The following EIF3H variants were observed in gnomAD, a reference collection of about 807,000 sequenced individuals.
EIF3H encodes eukaryotic translation initiation factor 3 subunit H.
Under a neutral mutation model 44.2 loss-of-function variants are expected in EIF3H, and 26 were observed. That is an observed-to-expected ratio of 0.59 (90% CI 0.43 to 0.82). The LOEUF is 0.82. Ranked by LOEUF, EIF3H falls within the 40% of genes least tolerant of loss-of-function variation. The pLI is 0.00. For synonymous variants in EIF3H, 166 were observed against 151.9 expected (o/e 1.09, Z -0.68); for missense variants, 359 against 432.8 (o/e 0.83, Z 1.51).
chr8:116,661,342 A>G (rs1206183741), intron 2 of EIF3H, among the ~76,000 whole-genome samples: 1 of 152,348 alleles, frequency 6.6e-6, no homozygotes, highest in Non-Finnish European at 1.5e-5. Context: ...AAACTTATGC[A>G]ACGTATTAGT....
At chr8:116,760,847 T>A (rs1423228889) in intron 1 of EIF3H, among the ~76,000 whole-genome samples, 2 of 152,226 alleles carry the variant, frequency 1.3e-5, no homozygotes, top group East Asian at 3.8e-4. Context: ...TTCAACATTT[T>A]GTTAAATATA....
chr8:116,708,841 T>C (rs1045864576), intron 2 of EIF3H, among the ~76,000 whole-genome samples: 6 of 152,034 alleles, frequency 3.9e-5, no homozygotes, highest in Admixed American at 2.0e-4. Context: ...AGCAAAAAAC[T>C]AAAGAAAAGC....
chr8:116,755,966 G>T, upstream of EIF3H: 1 of 1,536,308 alleles, frequency 6.5e-7, no homozygotes, highest in Non-Finnish European at 8.7e-7. Flanking sequence ...TTTCCAGGCG[G>T]TATCCTTTGT....
At chr8:116,704,687 G>A (rs1814437853) in intron 2 of EIF3H, among the ~76,000 whole-genome samples, 1 of 152,112 alleles carries the variant, frequency 6.6e-6, no homozygotes, top group Admixed American at 6.6e-5. Context: ...TGCATAAAAG[G>A]GAAAACAAAG....
upstream of EIF3H, chr8:116,755,981 G>A (rs1815442298): frequency 1.3e-6 from 2 of 1,536,072 alleles, no homozygotes; most frequent in African/African-American, 1.4e-5. Flanking sequence ...CTTTGTGCAT[G>A]CCTACTGTAC....
At chr8:116,716,658 A>T (rs1814662964) in intron 2 of EIF3H, among the ~76,000 whole-genome samples, 1 of 152,090 alleles carries the variant, frequency 6.6e-6, no homozygotes, top group Non-Finnish European at 1.5e-5. Flanking sequence ...TCAGACAGTA[A>T]ATATTTCAGG....
intron 2 of EIF3H, among the ~76,000 whole-genome samples, chr8:116,718,062 T>C (rs190896079): frequency 0.013 from 1,971 of 151,712 alleles, 18 homozygotes; most frequent in Middle Eastern, 0.051. Context: ...AACAATTGCA[T>C]CAAAAAGTGG....
chr8:116,764,766 G>A (rs767632357), intron 1 of EIF3H, among the ~76,000 whole-genome samples: 1 of 152,146 alleles, frequency 6.6e-6, no homozygotes, highest in Non-Finnish European at 1.5e-5. Context: ...TGATCCTCCC[G>A]CCTCGGGCTC....
At chr8:116,750,425 T>C (rs990251727) in intron 1 of EIF3H, among the ~76,000 whole-genome samples, 6 of 148,852 alleles carry the variant, frequency 4.0e-5, no homozygotes, top group Admixed American at 1.3e-4. Flanking sequence ...TTTTTTTTTT[T>C]CTGAGACGGA....
upstream of EIF3H, among the ~76,000 whole-genome samples, chr8:116,757,293 A>C (rs2131004509): frequency 6.6e-6 from 1 of 152,084 alleles, no homozygotes; most frequent in East Asian, 1.9e-4. Context: ...AGAGAGAGAG[A>C]GGGCCAGAGA....
In EIF3H at chr8:116,642,534, G is replaced by GTTGATTATTATCAATGATTAT. The variant is rs1813237899; in HGVS notation, c.*2471_*2472insATAATCATTGATAATAATCAA. ...ATTATTAGATTATTATCAATGATTA[G>GTTGATTATTATCAATGATTAT]AAAGTTAATGTCAAATATCTTCTAC... On this transcript the variant is annotated 3_prime_UTR_variant, in exon 8 of 8. Coordinates refer to ENST00000521861, the MANE Select transcript of EIF3H (RefSeq NM_003756.3). The GTTGATTATTATCAATGATTAT allele has an allele frequency of 6.6e-6, 1 of 151,926 alleles. No individual in the cohort carries two copies. Among genetic ancestry groups the GTTGATTATTATCAATGATTAT allele is most frequent in the Non-Finnish European group, 1.5e-5 (1 of 68,030 alleles). The allele number at this position is 151,926 out of a possible 1,614,324, so 9.4% of individuals were successfully genotyped here.
At chr8:116,669,941 G>A (rs1306302549) in intron 2 of EIF3H, among the ~76,000 whole-genome samples, 1 of 152,078 alleles carries the variant, frequency 6.6e-6, no homozygotes, top group African/African-American at 2.4e-5. Flanking sequence ...TCGTAGGATA[G>A]GAAATACAGC....
chr8:116,756,787 T>C (rs1286384462), upstream of EIF3H, among the ~76,000 whole-genome samples: 15 of 152,226 alleles, frequency 9.9e-5, no homozygotes, highest in Admixed American at 9.8e-4. Flanking sequence ...ATTTCAAGTG[T>C]ATATGAAATA....
chr8:116,645,912 A>G (rs551836739), intron 7 of EIF3H, among the ~76,000 whole-genome samples: 7 of 152,212 alleles, frequency 4.6e-5, no homozygotes, highest in South Asian at 2.1e-4. Flanking sequence ...TAACATTTCT[A>G]TAAGATTATA....
intron 2 of EIF3H, among the ~76,000 whole-genome samples, chr8:116,665,376 C>G (rs1314136412): frequency 6.6e-6 from 1 of 152,128 alleles, no homozygotes; most frequent in Non-Finnish European, 1.5e-5. Flanking sequence ...TTCTATGTTA[C>G]TATTTGAGGC....
intron 2 of EIF3H, among the ~76,000 whole-genome samples, chr8:116,664,368 G>A (rs553327603): frequency 6.6e-6 from 1 of 152,280 alleles, no homozygotes; most frequent in Non-Finnish European, 1.5e-5. Context: ...ACATTTAAAT[G>A]TTATATATAT....
At chr8:116,762,714 A>G (rs1815530130) in intron 1 of EIF3H, among the ~76,000 whole-genome samples, 1 of 152,136 alleles carries the variant, frequency 6.6e-6, no homozygotes, top group African/African-American at 2.4e-5. Context: ...TGAGCGGACC[A>G]TTTGAGGTCA....
chr8:116,734,905 C>G (rs528650120), intron 1 of EIF3H, among the ~76,000 whole-genome samples: 1 of 152,152 alleles, frequency 6.6e-6, no homozygotes, highest in Non-Finnish European at 1.5e-5. Flanking sequence ...TCAAAACTAC[C>G]AATTTCATTT....
chr8:116,726,179 C>T lies in EIF3H; in HGVS notation c.133-7G>A, dbSNP rs1814834406. 1 of 1,610,692 alleles carries T rather than the reference C, an allele frequency of 6.2e-7. No individual in the cohort carries two copies. The highest frequency in any genetic ancestry group is 8.5e-7 in the Non-Finnish European group (1 of 1,178,094). On this transcript the variant is annotated splice_region_variant and splice_polypyrimidine_tract_variant and intron_variant, in intron 1 of 7. Transcript: ENST00000521861. ...TGATTATCTTTAATACCACCTAAAACATACACACACAGAAGGGAGCTTAAC... is the reference window on the plus strand; with the variant it reads ...TGATTATCTTTAATACCACCTAAAATATACACACACAGAAGGGAGCTTAAC...
Sources: allele counts gnomAD v4.1 joint callset (sites outside exome capture counted in the v4.1 genomes callset), GRCh38; gene constraint gnomAD v4.1.1; transcripts MANE v1.5; gene names NCBI Gene and HGNC (gene_info 2026-07-23, HGNC 2026-07-21).